Variants in PAAF1 observed in about 807,000 individuals in gnomAD.
The protein encoded by PAAF1 is proteasomal ATPase associated factor 1, also known as proteasomal ATPase-associated factor 1.
A neutral mutation model predicts 52.8 loss-of-function variants in PAAF1; 46 were observed. That is an observed-to-expected ratio of 0.87 (90% CI 0.69 to 1.11). The LOEUF (loss-of-function observed/expected upper bound fraction) is 1.11, where lower values mean the gene tolerates loss of function less well. Among genes scored for constraint, PAAF1 ranks in the 50% most tolerant of loss-of-function variants. The pLI, the probability that PAAF1 is intolerant of heterozygous loss-of-function variation, is 0.00. For synonymous variants in PAAF1, 178 were observed against 172.8 expected (o/e 1.03, Z -0.24); for missense variants, 424 against 477.4 (o/e 0.89, Z 1.04).
chr11:73,916,739 A>G lies in PAAF1; in HGVS notation c.935+79A>G, dbSNP rs572910482. 4 of 913,738 alleles carry G rather than the reference A, an allele frequency of 4.4e-6. No homozygotes were observed. The East Asian group carries it at 1.0e-4, about 23-fold the overall frequency. 56.6% of individuals were successfully genotyped at this position (913,738 alleles called of 1,614,324 possible). On this transcript the variant is annotated intron_variant, in intron 9 of 11. Transcript: ENST00000310571. ...ATTGGCTTTAACATTGATTTAGCCT[A>G]GCATATAGATAACTATTGAATCAAG...
At chr11:73,903,125 G>A (rs945028677) in intron 6 of PAAF1, among the ~76,000 whole-genome samples, 1 of 152,198 alleles carries the variant, frequency 6.6e-6, no homozygotes, top group African/African-American at 2.4e-5. Context: ...CTTTTTTCTT[G>A]AGAAGGGAGT....
chr11:73,891,587 G>T (rs1949203259), intron 4 of PAAF1, among the ~76,000 whole-genome samples: 1 of 152,046 alleles, frequency 6.6e-6, no homozygotes, highest in Admixed American at 6.6e-5. Context: ...ACCAGCCTGG[G>T]CAACAGAGTG....
chr11:73,889,309 A>G (rs1269240110), intron 3 of PAAF1: 2 of 952,004 alleles, frequency 2.1e-6, no homozygotes, highest in Non-Finnish European at 2.9e-6. Flanking sequence ...TGCTAATTTG[A>G]TATTGCTACA....
In PAAF1 at chr11:73,914,162, G is replaced by A. The variant is rs1482855960; in HGVS notation, c.728-251G>A. Among the ~76,000 whole-genome samples, 7 of 152,086 alleles carry A rather than the reference G, an allele frequency of 4.6e-5. No individual in the cohort carries two copies. The South Asian group carries it at 1.0e-3, about 22-fold the overall frequency. On this transcript the variant is annotated intron_variant, in intron 7 of 11. Transcript: ENST00000310571. ...AAGTCACCCTTTTCCTTGGCTACTGGATACCATTAAAAAACATTTTTAAAA... is the reference window on the plus strand; with the variant it reads ...AAGTCACCCTTTTCCTTGGCTACTGAATACCATTAAAAAACATTTTTAAAA...
At chr11:73,906,157 CTT>C in intron 6 of PAAF1, among the ~76,000 whole-genome samples, 1 of 150,654 alleles carries the variant, frequency 6.6e-6, no homozygotes, top group South Asian at 2.1e-4. Flanking sequence ...ACTGAAAAAT[CTT>C]TTCTCTAGTG....
intron 4 of PAAF1, among the ~76,000 whole-genome samples, chr11:73,898,820 C>A (rs1357063881): frequency 6.6e-6 from 1 of 151,710 alleles, no homozygotes; most frequent in Non-Finnish European, 1.5e-5. Context: ...GTCAAACAAA[C>A]AAACAAACAA....
intron 2 of PAAF1, 147 bp downstream of exon 2, chr11:73,878,966 C>A: frequency 1.9e-6 from 1 of 528,438 alleles, no homozygotes; most frequent in East Asian, 3.1e-5. Context: ...TGGCCAACAC[C>A]CCAACTCCTC....
chr11:73,917,214 T>G (rs1432453585), intron 9 of PAAF1, among the ~76,000 whole-genome samples: 1 of 151,852 alleles, frequency 6.6e-6, no homozygotes, highest in African/African-American at 2.4e-5. Context: ...AGAGACAGGG[T>G]TTCATCATGT....
chr11:73,910,539 G>C (rs1949899151), intron 7 of PAAF1, among the ~76,000 whole-genome samples: 1 of 152,130 alleles, frequency 6.6e-6, no homozygotes, highest in Admixed American at 6.5e-5. Context: ...ACTAATAAAG[G>C]TCCTAATAAG....
At chr11:73,911,322 C>G (rs1300542888) in intron 7 of PAAF1, among the ~76,000 whole-genome samples, 1 of 152,060 alleles carries the variant, frequency 6.6e-6, no homozygotes, top group Non-Finnish European at 1.5e-5. Context: ...AGCTAGGACT[C>G]TAGGCATGCA....
In PAAF1 at chr11:73,929,745, C is replaced by G. The variant is rs911774237; in HGVS notation, c.*2383C>G. The G allele has an allele frequency of 7.9e-5, 12 of 152,374 alleles. No homozygotes were observed. Among genetic ancestry groups the G allele is most frequent in the African/African-American group, 2.6e-4 (11 of 41,570 alleles). 9.4% of individuals were successfully genotyped at this position (152,374 alleles called of 1,614,324 possible). ...ATCCTAGGAGCTCCAGGTGGAACAT[C>G]TAAGAAGTCAGATTAAGAAAACAGG... On this transcript the variant is annotated 3_prime_UTR_variant, in exon 12 of 12. Transcript: ENST00000310571.
chr11:73,927,000 A>C (rs1485152604), intron 11 of PAAF1, among the ~76,000 whole-genome samples: 1 of 152,192 alleles, frequency 6.6e-6, no homozygotes, highest in Admixed American at 6.5e-5. Flanking sequence ...CTAGAGGCAG[A>C]CCATCTGTGC....
At chr11:73,887,746 A>T (rs1949100072) in intron 3 of PAAF1, among the ~76,000 whole-genome samples, 1 of 152,100 alleles carries the variant, frequency 6.6e-6, no homozygotes, top group Non-Finnish European at 1.5e-5. Context: ...TAAACAATGA[A>T]ATTGATTTTG....
At chr11:73,892,451 C>T (rs1741341225) in intron 4 of PAAF1, among the ~76,000 whole-genome samples, 1 of 151,876 alleles carries the variant, frequency 6.6e-6, no homozygotes. Context: ...ATTTCTGTAT[C>T]CTAAAGATAA....
chr11:73,907,342 G>A (rs1312267104), intron 6 of PAAF1, among the ~76,000 whole-genome samples: 6 of 152,124 alleles, frequency 3.9e-5, no homozygotes, highest in Admixed American at 6.5e-5. Context: ...GGACTCCCCT[G>A]ACACTACCCT....
intron 6 of PAAF1, among the ~76,000 whole-genome samples, chr11:73,907,740 T>C (rs533282792): frequency 3.9e-5 from 6 of 152,118 alleles, no homozygotes; most frequent in African/African-American, 1.2e-4. Context: ...ACTGAAACCA[T>C]GGGGGAGGGG....
At chr11:73,881,240 T>C (rs1948898657) in intron 2 of PAAF1, among the ~76,000 whole-genome samples, 1 of 152,150 alleles carries the variant, frequency 6.6e-6, no homozygotes, top group Non-Finnish European at 1.5e-5. Flanking sequence ...TTTATATTTT[T>C]TTAGATCTTT....
chr11:73,904,178 C>T (rs1441700953), intron 6 of PAAF1, among the ~76,000 whole-genome samples: 1 of 151,236 alleles, frequency 6.6e-6, no homozygotes, highest in Non-Finnish European at 1.5e-5. Flanking sequence ...TTAGTTTGTT[C>T]TCTACTTAAT....
At chr11:73,916,994 T>TAAGATTGA (rs1480447273) in intron 9 of PAAF1, among the ~76,000 whole-genome samples, 3 of 152,114 alleles carry the variant, frequency 2.0e-5, no homozygotes, top group Non-Finnish European at 2.9e-5. Flanking sequence ...CTGGCTACCC[T>TAAGATTGA]AAGATTGAAA....
Sources: allele counts gnomAD v4.1 joint callset (sites outside exome capture counted in the v4.1 genomes callset), GRCh38; gene constraint gnomAD v4.1.1; transcripts MANE v1.5; gene names NCBI Gene and HGNC (gene_info 2026-07-23, HGNC 2026-07-21).